The following PARD3B variants were observed in gnomAD, a reference collection of about 807,000 sequenced individuals.
PARD3B encodes the protein partitioning defective 3 homolog B.
Under a neutral mutation model 130.2 loss-of-function variants are expected in PARD3B, and 103 were observed. The observed-to-expected ratio is 0.79, with a 90% confidence interval of 0.67 to 0.93. PARD3B has a LOEUF of 0.93. PARD3B is among the 40% of genes least tolerant of loss of function. The pLI is 0.00. For synonymous variants in PARD3B, 583 were observed against 553.2 expected (o/e 1.05, Z -0.76); for missense variants, 1,609 against 1,499.2 (o/e 1.07, Z -1.21).
At chr2:204,779,185 C>A (rs766735767) in intron 2 of PARD3B, among the ~76,000 whole-genome samples, 5 of 152,282 alleles carry the variant, frequency 3.3e-5, no homozygotes, top group Non-Finnish European at 7.4e-5. Context: ...ATGCCATCAT[C>A]CCCTGGACCA....
intron 20 of PARD3B, among the ~76,000 whole-genome samples, chr2:205,498,016 A>AACACACACACACACACACAC (rs57531393): frequency 1.8e-4 from 25 of 142,056 alleles, no homozygotes; most frequent in South Asian, 4.7e-4. Context: ...GTCTCTACTA[A>AACACACACACACACACACAC]ACACACACAC....
At chr2:205,560,529 T>C (rs1217460690) in intron 22 of PARD3B, among the ~76,000 whole-genome samples, 1 of 152,190 alleles carries the variant, frequency 6.6e-6, no homozygotes, top group African/African-American at 2.4e-5. Context: ...ATTGGTACTG[T>C]AGTTCCTTAA....
chr2:204,959,222 T>C (rs935753359), intron 2 of PARD3B, among the ~76,000 whole-genome samples: 1 of 152,176 alleles, frequency 6.6e-6, no homozygotes, highest in South Asian at 2.1e-4. Flanking sequence ...AGTGAGAACA[T>C]GCGGTGTTTG....
intron 2 of PARD3B, among the ~76,000 whole-genome samples, chr2:204,827,221 A>G (rs2125558499): frequency 6.6e-6 from 1 of 152,350 alleles, no homozygotes; most frequent in East Asian, 1.9e-4. Context: ...GTATTGAACC[A>G]GTGTTAGCAA....
intron 18 of PARD3B, among the ~76,000 whole-genome samples, chr2:205,330,637 G>A (rs1167867961): frequency 6.6e-6 from 1 of 152,164 alleles, no homozygotes; most frequent in Admixed American, 6.5e-5. Context: ...CCTTTTAGTT[G>A]TCATTTAAAA....
In PARD3B at chr2:205,192,189, GT is replaced by G. The variant is rs369995358; in HGVS notation, c.2025-1015del. Among the ~76,000 whole-genome samples, 81 of 152,242 alleles carry G rather than the reference GT, an allele frequency of 5.3e-4. 2 individuals are homozygous for G. Among genetic ancestry groups the G allele is most frequent in the African/African-American group, 1.7e-3 (70 of 41,536 alleles). ...GATTAAACTTATTTTGGTATTTCAGGTCGAGATTCTCTTGTACATTTTAGAA... is the reference window on the plus strand; with the variant it reads ...GATTAAACTTATTTTGGTATTTCAGGCGAGATTCTCTTGTACATTTTAGAA... On this transcript the variant is annotated intron_variant, in intron 14 of 22. Transcript: ENST00000406610.
intron 2 of PARD3B, among the ~76,000 whole-genome samples, chr2:204,812,271 C>T (rs143484744): frequency 2.1e-4 from 32 of 152,224 alleles, no homozygotes; most frequent in Admixed American, 3.9e-4. Context: ...ATGTTAGCAA[C>T]GGTGAATCCA....
At position 205,499,989 on chromosome 2, in the gene PARD3B, C is replaced by T. The variant is rs746923536; in HGVS notation, c.3138C>T (p.Asp1046=). The T allele has an allele frequency of 1.1e-5, 17 of 1,613,586 alleles. No homozygotes were observed. Among genetic ancestry groups the T allele is most frequent in the East Asian group, 6.7e-5 (3 of 44,876 alleles). The part of the protein sequence containing the change: ...ARREGFPLYE[D]DEGRARPSEY... Reference sequence around the variant, plus strand: ...GGGAAGGTTTCCCTTTATATGAAGACGACGAAGGAAGAGCAAGGCCATCTG... The same window carrying T: ...GGGAAGGTTTCCCTTTATATGAAGATGACGAAGGAAGAGCAAGGCCATCTG... Residue 1046 remains aspartate (D), a synonymous_variant, in exon 21 of 23, where the codon GAC becomes GAT. Transcript: ENST00000406610.
chr2:205,315,521 A>T (rs931981038), intron 18 of PARD3B, among the ~76,000 whole-genome samples: 1 of 152,166 alleles, frequency 6.6e-6, no homozygotes, highest in Non-Finnish European at 1.5e-5. Context: ...CAGAGACTCT[A>T]ATTCATTAGG....
rs201523620 is a variant in PARD3B at position 205,007,392 on chromosome 2, C to A, written c.395-40189C>A. Among the ~76,000 whole-genome samples, 36 of 152,292 alleles carry A rather than the reference C, an allele frequency of 2.4e-4. No individual in the cohort carries two copies. In the East Asian group the frequency reaches 6.9e-3, roughly 29 times the overall value. ...AGGATGAGAGATGGCGATCCAGATT[C>A]ATTCTTCTACATGTGGCTTGCCAGT... On this transcript the variant is annotated intron_variant, in intron 3 of 22. Transcript: ENST00000406610.
At chr2:204,971,760 A>G (rs906698054) in intron 3 of PARD3B, among the ~76,000 whole-genome samples, 1 of 151,636 alleles carries the variant, frequency 6.6e-6, no homozygotes, top group Non-Finnish European at 1.5e-5. Context: ...CTATAACTAA[A>G]TCAGGACTAA....
At chr2:204,812,737 C>G (rs1021866770) in intron 2 of PARD3B, among the ~76,000 whole-genome samples, 3 of 152,248 alleles carry the variant, frequency 2.0e-5, no homozygotes, top group Middle Eastern at 3.4e-3. Context: ...GCCCACTTGC[C>G]CAACTCCTGA....
chr2:205,395,381 T>C (rs73065003), intron 18 of PARD3B, among the ~76,000 whole-genome samples: 5,536 of 152,306 alleles, frequency 0.036, 306 homozygotes, highest in African/African-American at 0.12. Flanking sequence ...CTGTTGACTT[T>C]GTCCATCTTC....
At chr2:204,811,114 G>T (rs1439160678) in intron 2 of PARD3B, among the ~76,000 whole-genome samples, 1 of 152,016 alleles carries the variant, frequency 6.6e-6, no homozygotes, top group African/African-American at 2.4e-5. Flanking sequence ...GTTTCTGGTG[G>T]TCTCTGATAG....
At chr2:204,837,373 T>A (rs1361257872) in intron 2 of PARD3B, among the ~76,000 whole-genome samples, 1 of 151,950 alleles carries the variant, frequency 6.6e-6, no homozygotes, top group East Asian at 1.9e-4. Flanking sequence ...ACATAAAGGA[T>A]CCAAGATTTT....
chr2:205,217,894 A>ATATATTTTT (rs1559553191), intron 15 of PARD3B, among the ~76,000 whole-genome samples: 1 of 31,074 alleles, frequency 3.2e-5, no homozygotes, highest in African/African-American at 1.3e-4. Context: ...ATATATATAT[A>ATATATTTTT]TTTTTTTTTT....
intron 22 of PARD3B, among the ~76,000 whole-genome samples, chr2:205,570,280 TA>T (rs1453604691): frequency 2.6e-5 from 4 of 152,150 alleles, no homozygotes; most frequent in African/African-American, 9.7e-5. Context: ...TGTAACCCAA[TA>T]AAATGAAAAC....
At chr2:205,380,194 TTA>T (rs1462200388) in intron 18 of PARD3B, among the ~76,000 whole-genome samples, 3 of 89,706 alleles carry the variant, frequency 3.3e-5, no homozygotes, top group Non-Finnish European at 6.0e-5. Flanking sequence ...AGAATATATA[TTA>T]TATAATATGT....
rs1477812171 is a variant in PARD3B, at chr2:205,274,030, TG to T, written c.2186-26499del. ...TACTCTGGTTACTTCATTGCACATT[TG>T]AGGATTGGCTCCTGTTTTGTGTTAT... On this transcript the variant is annotated intron_variant, in intron 16 of 22. Transcript: ENST00000406610. This position sits in a 1 kb window ranked among gnomAD's most constrained non-coding sequence, Gnocchi z 4.2. 6.6e-6 allele frequency among the ~76,000 whole-genome samples: 1 copy of T among 152,184 alleles called. No individual in the cohort carries two copies. The highest frequency in any genetic ancestry group is 1.5e-5 in the Non-Finnish European group (1 of 68,042).
Sources: allele counts gnomAD v4.1 joint callset (sites outside exome capture counted in the v4.1 genomes callset), GRCh38; gene constraint gnomAD v4.1.1; non-coding constraint Gnocchi (gnomAD v3.1); transcripts MANE v1.5; gene names NCBI Gene and HGNC (gene_info 2026-07-23, HGNC 2026-07-21).